Variants in IGSF10 observed in about 807,000 individuals in gnomAD.
IGSF10 encodes immunoglobulin superfamily member 10, also known as calvaria mechanical force protein 608.
In IGSF10, 126 loss-of-function variants were observed where a neutral mutation model predicts 128.2. The ratio of observed to expected loss-of-function variants is 0.98; its 90% CI spans 0.85 to 1.14. IGSF10 has a LOEUF of 1.14. Among genes scored for constraint, IGSF10 ranks in the 50% most tolerant of loss-of-function variants. The probability of loss-of-function intolerance (pLI) is 0.00; values close to 1 mark genes in which losing one functional copy is unlikely to be tolerated. For synonymous variants in IGSF10, 1,185 were observed against 1,146.2 expected, an observed-to-expected ratio of 1.03 and a Z score of -0.68; for missense variants, 3,295 against 3,149.8, an observed-to-expected ratio of 1.05 and a Z score of -1.10.
chr3:151,442,987 T>A lies in IGSF10; in HGVS notation c.5960A>T (p.His1987Leu). 1 of 1,613,092 alleles carries A rather than the reference T, an allele frequency of 6.2e-7. No homozygotes were observed. Among genetic ancestry groups the A allele is most frequent in the African/African-American group, 1.3e-5 (1 of 75,064 alleles). Reference sequence around the variant, plus strand: ...CAACCCAAAGGTATAGACTTACCTATGCTGCTGGTCGACCACAGCCTTGGA... The same window carrying A: ...CAACCCAAAGGTATAGACTTACCTAAGCTGCTGGTCGACCACAGCCTTGGA... ...LPSKAVVDQQ[H>L]RVGSWIHVYP... Residue 1987 changes from histidine to leucine, a missense_variant, in exon 7 of 8, where the codon CAT (histidine) becomes CTT (leucine). Physicochemically the swap from His to Leu is moderately conservative, Grantham distance 99. Transcript: ENST00000282466.
At position 151,437,744 on chromosome 3, in the gene IGSF10, A is replaced by G; in HGVS notation, c.6817T>C (p.Trp2273Arg). The change falls in exon 8 of 8, where the codon TGG becomes CGG. Residue 2273 changes from tryptophan (W) to arginine (R), a missense_variant. By Grantham distance (101) the Trp-to-Arg change is moderately radical (BLOSUM62 -3). Transcript: ENST00000282466. ...AEGTPSPEVM[W>R]IMPDNIFLTA... ...AGGAAAATATTGTCTGGCATGATCC[A>G]CATGACTTCAGGAGATGGTGTCCCT... The G allele has an allele frequency of 6.2e-7, 1 of 1,614,054 alleles. No individual in the cohort carries two copies. Among genetic ancestry groups the G allele is most frequent in the South Asian group, 1.1e-5 (1 of 91,080 alleles).
chr3:151,447,063 G>C lies in IGSF10; in HGVS notation c.2918C>G (p.Thr973Ser). ...CGTGGAGGTGCTAAGTATTTGAGTA[G>C]TGTGAGAATAGAAGTGATTGTGCCT... ...EPRHNHFYSH[T>S]TQILSTSTFP... Residue 973 changes from threonine (T) to serine (S), a missense_variant, in exon 6 of 8, where the codon ACT becomes AGT. Coordinates refer to ENST00000282466, the MANE Select transcript of IGSF10 (RefSeq NM_178822.5). 1 of 1,614,138 alleles carries C rather than the reference G, an allele frequency of 6.2e-7. No individual in the cohort carries two copies. The highest frequency in any genetic ancestry group is 8.5e-7 in the Non-Finnish European group (1 of 1,179,978).
the IGSF10 span, among the ~76,000 whole-genome samples, chr3:151,537,534 A>C: frequency 2.6e-5 from 4 of 152,150 alleles, no homozygotes; most frequent in Non-Finnish European, 5.9e-5. Context: ...CATCATGTAC[A>C]TGATGCTATG....
the IGSF10 span, among the ~76,000 whole-genome samples, chr3:151,486,853 A>G: frequency 2.1e-4 from 32 of 152,234 alleles, no homozygotes. Context: ...AGGGAAATTT[A>G]TAGCACTAAA....
the IGSF10 span, among the ~76,000 whole-genome samples, chr3:151,502,806 C>T: frequency 6.6e-6 from 1 of 151,970 alleles, no homozygotes; most frequent in Non-Finnish European, 1.5e-5. Context: ...GAAGAGCTAA[C>T]AATACAGCAA....
intron 6 of IGSF10, among the ~76,000 whole-genome samples, chr3:151,444,468 C>T (rs751607417): frequency 2.0e-5 from 3 of 152,090 alleles, no homozygotes; most frequent in Non-Finnish European, 2.9e-5. Context: ...CCACCACACC[C>T]GGCTAATTTA....
At chr3:151,578,469 C>T in the IGSF10 span, among the ~76,000 whole-genome samples, 16 of 152,180 alleles carry the variant, frequency 1.1e-4, no homozygotes, top group African/African-American at 3.1e-4. Context: ...AGTTTACTGA[C>T]TTCTAACATA....
At chr3:151,462,848 A>C (rs1211425111), upstream of IGSF10, among the ~76,000 whole-genome samples, 2 of 152,220 alleles carry the variant, frequency 1.3e-5, no homozygotes, top group Non-Finnish European at 2.9e-5. Flanking sequence ...AGATTCTTTT[A>C]AATTAAAAAT....
In IGSF10 at chr3:151,448,960, A is replaced by T. The variant is rs752470398; in HGVS notation, c.1021T>A (p.Ser341Thr). Residue 341 changes from serine (S) to threonine (T), a missense_variant, in exon 6 of 8, where the codon TCA (serine) becomes ACA (threonine). Physicochemically the swap from Ser to Thr is moderately conservative, Grantham distance 58. Coordinates refer to ENST00000282466, the MANE Select transcript of IGSF10 (RefSeq NM_178822.5). ...VCSIQKPSRT[S>T]PIAFTEENDY... is the part of the protein sequence containing the mutation. The stretch of plus-strand genomic sequence containing the variant: ...TTTTCTTCAGTGAATGCAATGGGTG[A>T]TGTCCTTGAGGGCTTTTGAATACTG... 3 of 1,614,228 alleles carry T rather than the reference A, an allele frequency of 1.9e-6. No individual in the cohort carries two copies. The highest frequency in any genetic ancestry group is 2.5e-6 in the Non-Finnish European group (3 of 1,180,028).
At chr3:151,574,868 G>A in the IGSF10 span, among the ~76,000 whole-genome samples, 2 of 152,230 alleles carry the variant, frequency 1.3e-5, no homozygotes, top group East Asian at 3.9e-4. Context: ...ATCTACCTTT[G>A]GTCTTTGATG....
the IGSF10 span, among the ~76,000 whole-genome samples, chr3:151,506,876 T>G: frequency 1.3e-5 from 2 of 152,226 alleles, no homozygotes; most frequent in African/African-American, 4.8e-5. Flanking sequence ...GTGAGAGCTA[T>G]AAAATCTGCT....
At chr3:151,546,832 G>A in the IGSF10 span, among the ~76,000 whole-genome samples, 7 of 151,996 alleles carry the variant, frequency 4.6e-5, no homozygotes, top group Admixed American at 2.0e-4. Flanking sequence ...GCGCAATGGT[G>A]CAATCTCGGC....
chr3:151,454,822 T>C (rs191650811), intron 4 of IGSF10, among the ~76,000 whole-genome samples: 189 of 151,918 alleles, frequency 1.2e-3, no homozygotes, highest in South Asian at 2.5e-3. Flanking sequence ...GACGAAATCC[T>C]GTCTCTACTA....
At chr3:151,465,215 C>T (rs981130948), upstream of IGSF10, among the ~76,000 whole-genome samples, 1 of 152,190 alleles carries the variant, frequency 6.6e-6, no homozygotes, top group African/African-American at 2.4e-5. Context: ...ATGAATCTCA[C>T]ATTTTTGTTA....
the IGSF10 span, among the ~76,000 whole-genome samples, chr3:151,584,376 TGAG>T: frequency 1.1e-4 from 16 of 152,372 alleles, no homozygotes; most frequent in Admixed American, 7.8e-4. Flanking sequence ...TATCTTTTAA[TGAG>T]GCCATTTAGA....
chr3:151,552,441 C>T, the IGSF10 span, among the ~76,000 whole-genome samples: 612 of 152,164 alleles, frequency 4.0e-3, 3 homozygotes, highest in Non-Finnish European at 6.1e-3. Flanking sequence ...AAACTAGTGT[C>T]CTTAAGCAAC....
Position 151,437,981 on chromosome 3 carries a change from C to T in IGSF10, c.6580G>A (p.Ala2194Thr), listed in dbSNP as rs1205866212. The T allele has an allele frequency of 6.2e-7, 1 of 1,614,190 alleles. No individual in the cohort carries two copies. The highest frequency in any genetic ancestry group is 8.5e-7 in the Non-Finnish European group (1 of 1,180,028). The change falls in exon 8 of 8, where the codon GCC becomes ACC. Residue 2194 changes from alanine to threonine, a missense_variant. By Grantham distance (58) the Ala-to-Thr change is moderately conservative. Transcript: ENST00000282466. ...TTGTTGATGGTCAAAGACCCATTGG[C>T]ATGAAATGTGTACCTATCAATGGAG... Reference protein sequence around the residue: ...SFSIDRYTFHANGSLTINKVK... With the variant: ...SFSIDRYTFHTNGSLTINKVK...
chr3:151,610,507 C>A, the IGSF10 span, among the ~76,000 whole-genome samples: 1 of 152,050 alleles, frequency 6.6e-6, no homozygotes, highest in Non-Finnish European at 1.5e-5. Context: ...TTCTTAGATT[C>A]TTTTTTAATG....
At chr3:151,597,103 G>A in the IGSF10 span, among the ~76,000 whole-genome samples, 1 of 152,012 alleles carries the variant, frequency 6.6e-6, no homozygotes, top group Admixed American at 6.6e-5. Flanking sequence ...GATTGTCTCA[G>A]ATATAAACTA....
Sources: allele counts gnomAD v4.1 joint callset (sites outside exome capture counted in the v4.1 genomes callset), GRCh38; gene constraint gnomAD v4.1.1; transcripts MANE v1.5; gene names NCBI Gene and HGNC (gene_info 2026-07-23, HGNC 2026-07-21).